Variants in SLC12A1 observed in about 807,000 individuals in gnomAD.
SLC12A1 encodes solute carrier family 12 member 1.
In SLC12A1, 89 loss-of-function variants were observed where a neutral mutation model predicts 130.4. The observed-to-expected ratio is 0.68, with a 90% CI of 0.58 to 0.81. SLC12A1 has a LOEUF of 0.81. Among genes scored for constraint, SLC12A1 ranks in the 40% least tolerant of loss-of-function variants. The pLI is 0.00. For missense variants in SLC12A1, 1,310 were observed against 1,336.4 expected (o/e 0.98, Z 0.31); for synonymous variants, 499 against 460.0 (o/e 1.08, Z -1.09).
chr15:48,263,828 G>A (rs2041802005), intron 17 of SLC12A1, among the ~76,000 whole-genome samples: 1 of 152,030 alleles, frequency 6.6e-6, no homozygotes, highest in African/African-American at 2.4e-5. Flanking sequence ...CAGTGTCCGG[G>A]ACTACAGGCA....
At chr15:48,216,175 T>C (rs917680155) in intron 2 of SLC12A1, among the ~76,000 whole-genome samples, 2 of 152,162 alleles carry the variant, frequency 1.3e-5, no homozygotes, top group Admixed American at 1.3e-4. Context: ...CTTTGAATAA[T>C]TTAGAAAATG....
At chr15:48,280,859 C>T (rs1187655517) in intron 20 of SLC12A1, among the ~76,000 whole-genome samples, 1 of 152,178 alleles carries the variant, frequency 6.6e-6, no homozygotes, top group Non-Finnish European at 1.5e-5. Flanking sequence ...TACACACACA[C>T]ACACTTCTCA....
chr15:48,279,436 G>A (rs1247906558), intron 20 of SLC12A1, among the ~76,000 whole-genome samples: 2 of 152,106 alleles, frequency 1.3e-5, no homozygotes, highest in Admixed American at 6.6e-5. Context: ...ATAGAAATCA[G>A]CTTTATAGAT....
chr15:48,214,712 A>T (rs1474694838), intron 2 of SLC12A1, among the ~76,000 whole-genome samples: 3 of 152,186 alleles, frequency 2.0e-5, no homozygotes, highest in Admixed American at 6.5e-5. Context: ...CTTAGGAATC[A>T]TCTGGTTCTT....
intron 9 of SLC12A1, among the ~76,000 whole-genome samples, chr15:48,236,499 G>A (rs996174771): frequency 2.0e-5 from 3 of 152,168 alleles, no homozygotes; most frequent in South Asian, 2.1e-4. Flanking sequence ...AAAGGGAAAC[G>A]GCTGTTAGAG....
intron 21 of SLC12A1, among the ~76,000 whole-genome samples, chr15:48,286,743 C>T (rs937198199): frequency 4.6e-5 from 7 of 152,172 alleles, no homozygotes; most frequent in African/African-American, 1.7e-4. Context: ...TGTTTTAATA[C>T]CTAGAAGTTT....
chr15:48,280,730 C>T (rs1024713848), intron 20 of SLC12A1, among the ~76,000 whole-genome samples: 1 of 152,054 alleles, frequency 6.6e-6, no homozygotes, highest in Admixed American at 6.6e-5. Context: ...ATTTCCCAGG[C>T]TCTTATCTCA....
At chr15:48,225,900 C>G in intron 4 of SLC12A1, 3 of 985,476 alleles carry the variant, frequency 3.0e-6, no homozygotes, top group Non-Finnish European at 3.6e-6. Flanking sequence ...ACTGGTATCA[C>G]TGGTTTATCC....
chr15:48,275,877 A>C (rs2041946732), intron 20 of SLC12A1, among the ~76,000 whole-genome samples: 1 of 152,180 alleles, frequency 6.6e-6, no homozygotes, highest in Non-Finnish European at 1.5e-5. Flanking sequence ...AAATGAGGGA[A>C]TAAGGTGGTC....
At chr15:48,220,423 T>C (rs1045434952) in intron 2 of SLC12A1, among the ~76,000 whole-genome samples, 1 of 152,140 alleles carries the variant, frequency 6.6e-6, no homozygotes, top group African/African-American at 2.4e-5. Flanking sequence ...CACCCAGCCC[T>C]AAAAAACACT....
intron 2 of SLC12A1, among the ~76,000 whole-genome samples, chr15:48,215,298 G>T (rs2041107268): frequency 6.6e-6 from 1 of 152,038 alleles, no homozygotes; most frequent in South Asian, 2.1e-4. Context: ...GTCAAAATTG[G>T]AGTGGGGATA....
At chr15:48,273,293 G>A (rs192693460) in intron 19 of SLC12A1, among the ~76,000 whole-genome samples, 222 of 152,178 alleles carry the variant, frequency 1.5e-3, no homozygotes, top group African/African-American at 4.9e-3. Flanking sequence ...CAAAGCCAGC[G>A]ATGGCTGGTC....
chr15:48,227,010 C>A, intron 5 of SLC12A1: 1 of 964,880 alleles, frequency 1.0e-6, no homozygotes, highest in Non-Finnish European at 1.6e-6. Flanking sequence ...ATTCAGACTG[C>A]TGCCTCCTGA....
At chr15:48,257,584 G>A (rs1285951325) in intron 16 of SLC12A1, among the ~76,000 whole-genome samples, 2 of 152,140 alleles carry the variant, frequency 1.3e-5, no homozygotes, top group Non-Finnish European at 2.9e-5. Flanking sequence ...CCACATGAAA[G>A]CTGCCAAGGC....
At chr15:48,209,083 C>T (rs146858294) in intron 2 of SLC12A1, among the ~76,000 whole-genome samples, 25 of 152,226 alleles carry the variant, frequency 1.6e-4, no homozygotes, top group East Asian at 7.7e-4. Context: ...TTTTTTGAGA[C>T]GAAGTATCGC....
chr15:48,274,328 A>G (rs1842860705), intron 19 of SLC12A1, among the ~76,000 whole-genome samples: 3 of 152,248 alleles, frequency 2.0e-5, no homozygotes, highest in Non-Finnish European at 4.4e-5. Context: ...ATTCTGATTT[A>G]TAGTATTATT....
Position 48,267,586 on chromosome 15 carries a change from A to T in SLC12A1, c.2180A>T (p.Glu727Val). 6.2e-7 allele frequency: 1 copy of T among 1,613,550 alleles called. No homozygotes were observed. The highest frequency in any genetic ancestry group is 1.1e-5 in the South Asian group (1 of 91,072). Residue 727 changes from glutamate (E) to valine (V), a missense_variant, in exon 18 of 27, where the codon GAG becomes GTG. By Grantham distance (121) the Glu-to-Val change is moderately radical. Coordinates refer to ENST00000380993, the MANE Select transcript of SLC12A1 (RefSeq NM_000338.3). ...FVGPRKLCVK[E>V]MNSGMAKKQA... Reference sequence around the variant, plus strand: ...GGACCGCGCAAACTGTGTGTTAAGGAGATGAACAGTGGCATGGCGAAAAAA... The same window carrying T: ...GGACCGCGCAAACTGTGTGTTAAGGTGATGAACAGTGGCATGGCGAAAAAA...
At chr15:48,300,964 G>A (rs2042225857) in intron 25 of SLC12A1, among the ~76,000 whole-genome samples, 1 of 152,198 alleles carries the variant, frequency 6.6e-6, no homozygotes, top group South Asian at 2.1e-4. Context: ...ATGGGCATAT[G>A]CCACTGTGCC....
intron 14 of SLC12A1, among the ~76,000 whole-genome samples, chr15:48,250,392 T>C (rs2041632895): frequency 6.6e-6 from 1 of 152,172 alleles, no homozygotes; most frequent in Non-Finnish European, 1.5e-5. Flanking sequence ...TTGGAAAAAC[T>C]TGCTGCCAAT....
Sources: allele counts gnomAD v4.1 joint callset (sites outside exome capture counted in the v4.1 genomes callset), GRCh38; gene constraint gnomAD v4.1.1; transcripts MANE v1.5; gene names NCBI Gene and HGNC (gene_info 2026-07-23, HGNC 2026-07-21).